The following PAFAH1B2 variants were observed in gnomAD, a reference collection of about 807,000 sequenced individuals.
PAFAH1B2 encodes platelet-activating factor acetylhydrolase IB subunit alpha2.
In PAFAH1B2, 8 loss-of-function variants were observed where a neutral mutation model predicts 28.0. The observed-to-expected ratio is 0.29, with a 90% CI of 0.17 to 0.52. The LOEUF is 0.52. PAFAH1B2 is among the 20% of genes least tolerant of loss of function. The probability of loss-of-function intolerance (pLI) is 0.97; values close to 1 mark genes in which losing one functional copy is unlikely to be tolerated. For synonymous variants in PAFAH1B2, 104 were observed against 103.2 expected, an observed-to-expected ratio of 1.01 and a Z score of -0.05; for missense variants, 190 against 282.6, an observed-to-expected ratio of 0.67 and a Z score of 2.35.
chr11:117,150,954 C>T (rs111283055), intron 1 of PAFAH1B2, among the ~76,000 whole-genome samples: 160 of 149,758 alleles, frequency 1.1e-3, no homozygotes, highest in African/African-American at 3.9e-3. Flanking sequence ...CGCCACTGCA[C>T]TCCAGCCTCG....
chr11:117,157,342 A>G (rs1956275918), intron 2 of PAFAH1B2, among the ~76,000 whole-genome samples: 1 of 151,946 alleles, frequency 6.6e-6, no homozygotes. Flanking sequence ...GGGTTTTGCC[A>G]TGTTGCCCAG....
intron 1 of PAFAH1B2, among the ~76,000 whole-genome samples, chr11:117,145,650 A>C (rs1010276630): frequency 6.6e-6 from 1 of 152,062 alleles, no homozygotes; most frequent in Non-Finnish European, 1.5e-5. Context: ...CGGAGGAACC[A>C]CCCACCAGCC....
chr11:117,178,018 GTA>G (rs377232507), downstream of PAFAH1B2, among the ~76,000 whole-genome samples: 238 of 152,286 alleles, frequency 1.6e-3, no homozygotes, highest in African/African-American at 5.4e-3. Flanking sequence ...AGCTGCCCAG[GTA>G]TTTTTATCTG....
At position 117,168,074 on chromosome 11, in the gene PAFAH1B2, T is replaced by G; in HGVS notation, c.*375T>G. 9.5e-7 allele frequency: 1 copy of G among 1,057,638 alleles called. No individual in the cohort carries two copies. Among genetic ancestry groups the G allele is most frequent in the East Asian group, 5.2e-5 (1 of 19,334 alleles). 65.5% of individuals were successfully genotyped at this position (1,057,638 alleles called of 1,614,324 possible). A position where few individuals can be genotyped will look rare whatever the true frequency, so the allele number is the denominator to read the frequency against. ...TGTGGATTATGTCATATATAATAAT[T>G]ATCAGAATCATTCTACTTGGCTTTA... On this transcript the variant is annotated 3_prime_UTR_variant, in exon 6 of 6. Transcript: ENST00000527958.
At chr11:117,164,928 C>T (rs902123097) in intron 5 of PAFAH1B2, among the ~76,000 whole-genome samples, 4 of 148,730 alleles carry the variant, frequency 2.7e-5, no homozygotes, top group South Asian at 4.3e-4. Flanking sequence ...CCCAGCTATT[C>T]GGGAGGCTGA....
At chr11:117,172,665 A>G (rs1173188049), downstream of PAFAH1B2, among the ~76,000 whole-genome samples, 1 of 151,938 alleles carries the variant, frequency 6.6e-6, no homozygotes, top group African/African-American at 2.4e-5. Flanking sequence ...GGAGCCCCCT[A>G]TCTGGAATAT....
chr11:117,175,950 C>G (rs1192476847), downstream of PAFAH1B2: 2 of 1,531,608 alleles, frequency 1.3e-6, no homozygotes, highest in African/African-American at 2.7e-5. Flanking sequence ...AAAGAAAAGT[C>G]CAGATGGACT....
intron 5 of PAFAH1B2, among the ~76,000 whole-genome samples, chr11:117,165,304 C>T (rs1416990389): frequency 1.3e-5 from 2 of 148,244 alleles, no homozygotes; most frequent in Non-Finnish European, 3.0e-5. Context: ...GAGCCGAGAT[C>T]GTGCCACTGC....
intron 4 of PAFAH1B2, among the ~76,000 whole-genome samples, chr11:117,162,347 C>G (rs569863971): frequency 3.9e-4 from 60 of 152,016 alleles, no homozygotes; most frequent in South Asian, 8.3e-4. Context: ...TGTTATGTTG[C>G]CTAGGCTGGT....
intron 4 of PAFAH1B2, 72 bp from the exon 5 acceptor site, chr11:117,163,698 A>T: frequency 6.8e-7 from 1 of 1,468,894 alleles, no homozygotes; most frequent in Non-Finnish European, 9.3e-7. Context: ...AAAGATTTTC[A>T]TCTAAATGTT....
At chr11:117,153,122 C>T (rs1046624289) in intron 2 of PAFAH1B2, among the ~76,000 whole-genome samples, 3 of 152,132 alleles carry the variant, frequency 2.0e-5, no homozygotes, top group Non-Finnish European at 2.9e-5. Context: ...ACAGGTTGTA[C>T]AAAGGGGGAT....
At chr11:117,175,470 A>T, downstream of PAFAH1B2, 1 of 1,077,366 alleles carries the variant, frequency 9.3e-7, no homozygotes, top group East Asian at 4.9e-5. Flanking sequence ...CTGTAGACGC[A>T]GGGTCCTGAC....
At chr11:117,148,030 G>A (rs778956033) in intron 1 of PAFAH1B2, among the ~76,000 whole-genome samples, 31 of 151,136 alleles carry the variant, frequency 2.1e-4, no homozygotes, top group Non-Finnish European at 3.8e-4. Context: ...ATTAGAATTA[G>A]AATTTATCTT....
At chr11:117,174,519 G>A (rs1459947992), downstream of PAFAH1B2, among the ~76,000 whole-genome samples, 3 of 142,474 alleles carry the variant, frequency 2.1e-5, no homozygotes, top group Non-Finnish European at 4.5e-5. Flanking sequence ...TGTTTCACTC[G>A]TTGCCCAGGC....
intron 2 of PAFAH1B2, among the ~76,000 whole-genome samples, chr11:117,154,908 G>A (rs1000714732): frequency 2.1e-4 from 32 of 152,106 alleles, no homozygotes; most frequent in Admixed American, 1.3e-3. Context: ...GATACATGGA[G>A]GTTTATTCTC....
downstream of PAFAH1B2, chr11:117,175,661 A>C (rs2029937640): frequency 1.5e-6 from 2 of 1,307,792 alleles, no homozygotes; most frequent in African/African-American, 1.5e-5. Flanking sequence ...AAGCTTCTGG[A>C]GTGCCCCGTT....
downstream of PAFAH1B2, chr11:117,171,636 C>G (rs1348240887): frequency 1.4e-6 from 2 of 1,386,852 alleles, no homozygotes; most frequent in Non-Finnish European, 9.9e-7. Flanking sequence ...AAGCAGCCGC[C>G]TCCAAATACT....
chr11:117,174,157 A>G (rs949914131), downstream of PAFAH1B2, among the ~76,000 whole-genome samples: 5 of 103,308 alleles, frequency 4.8e-5, no homozygotes, highest in African/African-American at 1.5e-4. Flanking sequence ...TGCAGTCTTC[A>G]TGTCTTTTGT....
downstream of PAFAH1B2, among the ~76,000 whole-genome samples, chr11:117,177,332 G>A (rs895979531): frequency 2.0e-5 from 3 of 151,550 alleles, no homozygotes; most frequent in African/African-American, 7.3e-5. Context: ...TTTATTTTTT[G>A]GTACTACTCT....
Sources: allele counts gnomAD v4.1 joint callset (sites outside exome capture counted in the v4.1 genomes callset), GRCh38; gene constraint gnomAD v4.1.1; transcripts MANE v1.5; gene names NCBI Gene and HGNC (gene_info 2026-07-23, HGNC 2026-07-21).